SCAPER: variants seen among roughly 807,000 people sequenced by gnomAD.
SCAPER encodes the protein S phase cyclin A-associated protein in the endoplasmic reticulum.
In SCAPER, 98 loss-of-function variants were observed where a neutral mutation model predicts 182.2. The observed-to-expected ratio is 0.54, with a 90% CI of 0.46 to 0.64. SCAPER has a LOEUF of 0.64. Ranked by LOEUF, SCAPER falls within the 30% of genes least tolerant of loss-of-function variation. The pLI is 0.00. For missense variants in SCAPER, 1,432 were observed against 1,690.0 expected (o/e 0.85, Z 2.68); for synonymous variants, 605 against 564.6 (o/e 1.07, Z -1.01).
chr15:76,424,963 T>G (rs1395199026), intron 26 of SCAPER, among the ~76,000 whole-genome samples: 1 of 152,244 alleles, frequency 6.6e-6, no homozygotes, highest in Non-Finnish European at 1.5e-5. Flanking sequence ...TCTCCTGGCT[T>G]GAAGAGTTTC....
chr15:76,833,842 A>G (rs2068714168), intron 5 of SCAPER, among the ~76,000 whole-genome samples: 1 of 152,276 alleles, frequency 6.6e-6, no homozygotes, highest in Non-Finnish European at 1.5e-5. Flanking sequence ...CCAACATTAG[A>G]GCACCTAGAT....
At position 76,598,630 on chromosome 15, in the gene SCAPER, G is replaced by A. The variant is rs1035639063; in HGVS notation, c.2711+23134C>T. Among the ~76,000 whole-genome samples the A allele has an allele frequency of 2.5e-5, 3 of 121,150 alleles. 1 individual carries two copies. The highest frequency in any genetic ancestry group is 7.6e-5 in the African/African-American group (3 of 39,668). 79.5% of individuals were successfully genotyped at this position (121,150 alleles called of 152,430 possible). On this transcript the variant is annotated intron_variant, in intron 22 of 31. Transcript: ENST00000563290. ...GGAATACTATATAGCCATAAAAAAGGATGAGTTCATGTCCTTTACAGGGAC... is the reference window on the plus strand; with the variant it reads ...GGAATACTATATAGCCATAAAAAAGAATGAGTTCATGTCCTTTACAGGGAC...
At chr15:76,575,792 C>A (rs2145406253) in intron 22 of SCAPER, among the ~76,000 whole-genome samples, 1 of 152,332 alleles carries the variant, frequency 6.6e-6, no homozygotes, top group African/African-American at 2.4e-5. Context: ...ACTTACTGAA[C>A]TAACTGTTTA....
intron 21 of SCAPER, among the ~76,000 whole-genome samples, chr15:76,646,859 T>C (rs1567690587): frequency 6.6e-6 from 1 of 152,230 alleles, no homozygotes; most frequent in Non-Finnish European, 1.5e-5. Context: ...CTCATCCCAC[T>C]GCTTGGAGAA....
intron 6 of SCAPER, among the ~76,000 whole-genome samples, chr15:76,802,910 G>A (rs1218907061): frequency 6.6e-6 from 1 of 152,108 alleles, no homozygotes; most frequent in Non-Finnish European, 1.5e-5. Flanking sequence ...CCTTTGTACA[G>A]AACCAAAATA....
At chr15:76,692,319 T>C (rs2058404631) in intron 20 of SCAPER, among the ~76,000 whole-genome samples, 1 of 151,996 alleles carries the variant, frequency 6.6e-6, no homozygotes, top group African/African-American at 2.4e-5. Context: ...TACAGAAAAA[T>C]CAGAAATTAA....
intron 22 of SCAPER, among the ~76,000 whole-genome samples, chr15:76,580,112 C>A (rs2048159086): frequency 6.6e-6 from 1 of 152,112 alleles, no homozygotes. Context: ...CTGGACAGAT[C>A]ATCCAGACAG....
chr15:76,499,415 T>C (rs76044383), intron 24 of SCAPER, among the ~76,000 whole-genome samples: 2,927 of 152,320 alleles, frequency 0.019, 80 homozygotes, highest in African/African-American at 0.066. Context: ...AGATGGGCCA[T>C]ATTTGGCAAA....
intron 17 of SCAPER, among the ~76,000 whole-genome samples, chr15:76,721,824 G>A (rs2060261768): frequency 6.6e-6 from 1 of 152,128 alleles, no homozygotes; most frequent in Admixed American, 6.5e-5. Flanking sequence ...AGGAGATTTT[G>A]GGCTGAGACG....
intron 24 of SCAPER, among the ~76,000 whole-genome samples, chr15:76,480,121 T>C (rs929407324): frequency 2.0e-5 from 3 of 152,174 alleles, no homozygotes; most frequent in African/African-American, 7.2e-5. Context: ...ACCCTCTAGA[T>C]TGGACCAGAA....
At chr15:76,754,954 GA>G (rs1172167181) in intron 14 of SCAPER, among the ~76,000 whole-genome samples, 2 of 152,036 alleles carry the variant, frequency 1.3e-5, no homozygotes, top group African/African-American at 4.8e-5. Context: ...AAACAGTGTT[GA>G]AAACAATAAT....
chr15:76,422,333 A>C (rs1387194337), intron 26 of SCAPER, among the ~76,000 whole-genome samples: 1 of 152,168 alleles, frequency 6.6e-6, no homozygotes, highest in Admixed American at 6.5e-5. Flanking sequence ...GAGTTCCTTC[A>C]CATCCCTTGT....
In SCAPER at chr15:76,501,908, A is replaced by G. The variant is rs1486030072; in HGVS notation, c.2954+2951T>C. Among the ~76,000 whole-genome samples, 84 of 152,244 alleles carry G rather than the reference A, an allele frequency of 5.5e-4. 3 individuals carry two copies. The highest frequency in any genetic ancestry group is 5.4e-3 in the Admixed American group (83 of 15,288). ...TGAAGTAAGCCACTGACTCATGTCC[A>G]CCAGTATGCTCTTATTCTACATTTA... On this transcript the variant is annotated intron_variant, in intron 24 of 31. Coordinates refer to ENST00000563290, the MANE Select transcript of SCAPER (RefSeq NM_020843.4).
At chr15:76,618,923 C>T (rs1216392407) in intron 22 of SCAPER, among the ~76,000 whole-genome samples, 6 of 152,334 alleles carry the variant, frequency 3.9e-5, no homozygotes, top group Non-Finnish European at 2.9e-5. Context: ...CAGCTCACTG[C>T]AACCTCCACC....
At chr15:76,471,668 T>C (rs1365612545) in intron 24 of SCAPER, among the ~76,000 whole-genome samples, 1 of 152,006 alleles carries the variant, frequency 6.6e-6, no homozygotes, top group East Asian at 1.9e-4. Flanking sequence ...CTTGAAATAA[T>C]ACCCAGAAAA....
intron 23 of SCAPER, among the ~76,000 whole-genome samples, chr15:76,520,343 G>A (rs926744271): frequency 4.6e-5 from 7 of 151,970 alleles, no homozygotes; most frequent in African/African-American, 1.7e-4. Context: ...CCCAGCCTTC[G>A]AGTAGCTGGG....
At chr15:76,637,364 C>T (rs1166921947) in intron 21 of SCAPER, among the ~76,000 whole-genome samples, 1 of 152,150 alleles carries the variant, frequency 6.6e-6, no homozygotes, top group Non-Finnish European at 1.5e-5. Flanking sequence ...TACATTCCTA[C>T]TATCAAAATA....
rs368362289 is a variant in SCAPER, at chr15:76,833,734, TCAAC to T, written c.393+7996_393+7999del. ...TCGTTATTTCAGACAAAACAGATTT[TCAAC>T]CAACCATGATCAAAAAGGACAAAGA... is the stretch of plus-strand genomic sequence containing the variant. On this transcript the variant is annotated intron_variant, in intron 5 of 31. Transcript: ENST00000563290. Among the ~76,000 whole-genome samples, 1,013 of 152,302 alleles carry T rather than the reference TCAAC, an allele frequency of 6.7e-3. 13 individuals carry two copies. Among genetic ancestry groups the T allele is most frequent in the African/African-American group, 0.023 (967 of 41,562 alleles).
intron 23 of SCAPER, among the ~76,000 whole-genome samples, chr15:76,570,274 G>A (rs1404817817): frequency 6.6e-6 from 1 of 151,538 alleles, no homozygotes; most frequent in Non-Finnish European, 1.5e-5. Context: ...CAAAACATGA[G>A]TTTTTTTTGT....
Sources: gnomAD v4.1 joint callset for allele counts (sites outside exome capture counted in the v4.1 genomes callset) on GRCh38, gnomAD v4.1.1 for gene constraint, MANE v1.5 for transcripts, NCBI Gene and HGNC (gene_info 2026-07-23, HGNC 2026-07-21) for gene names.